The following SATB1 variants were observed in gnomAD, a reference collection of about 807,000 sequenced individuals.
SATB1 encodes the protein SATB homeobox 1.
In SATB1, 11 loss-of-function variants were observed where a neutral mutation model predicts 86.9. That is an observed-to-expected ratio of 0.13 (90% CI 0.08 to 0.21). The LOEUF is 0.21. SATB1 is among the 10% of genes least tolerant of loss of function. The pLI is 1.00. For missense variants in SATB1, 551 were observed against 937.6 expected, an observed-to-expected ratio of 0.59 and a Z score of 5.39; for synonymous variants, 357 against 357.2, an observed-to-expected ratio of 1.00 and a Z score of 0.01.
rs11391230 is a variant in SATB1 at position 18,370,515 on chromosome 3, CAAAAAAAA to C, written c.1575+7647_1575+7654del. On this transcript the variant is annotated intron_variant, in intron 9 of 10. Coordinates refer to ENST00000338745, the MANE Select transcript of SATB1 (RefSeq NM_002971.6). ...GACAATATGGGACAACTGAGAGAGG[CAAAAAAAA>C]AAAAAAAAAAAAAGAGGAAAAACAA... Among the ~76,000 whole-genome samples, 8 of 49,452 alleles carry C rather than the reference CAAAAAAAA, an allele frequency of 1.6e-4. 1 individual carries two copies. The South Asian group carries it at 9.4e-3, about 58-fold the overall frequency. The allele number at this position is 49,452 out of a possible 152,430, so 32.4% of individuals were successfully genotyped here.
chr3:18,377,730 C>G (rs572963448), intron 9 of SATB1, among the ~76,000 whole-genome samples: 3 of 152,268 alleles, frequency 2.0e-5, no homozygotes, highest in South Asian at 2.1e-4. Context: ...ACTATGCTCA[C>G]TGCTATACCA....
intron 5 of SATB1, among the ~76,000 whole-genome samples, chr3:18,406,010 T>C (rs1055646363): frequency 3.3e-5 from 5 of 152,038 alleles, no homozygotes; most frequent in South Asian, 2.1e-4. Flanking sequence ...TTAGAAGTTA[T>C]GGCGAAATGA....
rs1274452918 is a variant in SATB1 at position 18,400,160 on chromosome 3, G to A, written c.640-2870C>T. Among the ~76,000 whole-genome samples, 9 of 152,264 alleles carry A rather than the reference G, an allele frequency of 5.9e-5. No homozygotes were observed. The East Asian group carries it at 1.5e-3, about 26-fold the overall frequency. ...GTCATGATTGGTAAAATTTTCCTAG[G>A]TGGTGGGATGTACAGATAGTAGGCC... On this transcript the variant is annotated intron_variant, in intron 5 of 10. Transcript: ENST00000338745.
intron 9 of SATB1, among the ~76,000 whole-genome samples, chr3:18,369,162 TAAAA>T (rs200357255): frequency 8.3e-6 from 1 of 120,076 alleles, no homozygotes; most frequent in African/African-American, 2.7e-5. Flanking sequence ...AACTTTGCAT[TAAAA>T]AAAAAAAAAA....
upstream of SATB1, among the ~76,000 whole-genome samples, chr3:18,440,490 T>C (rs1194914843): frequency 6.6e-6 from 1 of 152,160 alleles, no homozygotes; most frequent in Non-Finnish European, 1.5e-5. Flanking sequence ...TATAAATACG[T>C]GCACTAAACT....
At chr3:18,363,542 G>A (rs1016073733) in intron 9 of SATB1, among the ~76,000 whole-genome samples, 35 of 152,246 alleles carry the variant, frequency 2.3e-4, no homozygotes, top group African/African-American at 7.9e-4. Context: ...CAAGCTCAGA[G>A]AAGGCTCCAG....
At chr3:18,438,860 A>G (rs6768993), upstream of SATB1, 4,572 of 152,798 alleles carry the variant, frequency 0.03, 237 homozygotes, top group African/African-American at 0.1. Flanking sequence ...GGGCAGCTTA[A>G]GTCCACATAG....
chr3:18,349,079 CAACA>C lies in SATB1; in HGVS notation c.*87_*90del, dbSNP rs1172885101. On this transcript the variant is annotated 3_prime_UTR_variant, in exon 11 of 11. Coordinates refer to ENST00000338745, the MANE Select transcript of SATB1 (RefSeq NM_002971.6). The surrounding 1 kb of genome is among the most constrained non-coding windows in gnomAD (Gnocchi z 5.5). The stretch of plus-strand genomic sequence containing the variant: ...GAAGATTCATTGGCCAAACAATGAA[CAACA>C]AAGGTTTTCTGAGAGAAGACAAGGT... 5 of 1,521,332 alleles carry C rather than the reference CAACA, an allele frequency of 3.3e-6. No individual in the cohort carries two copies. The highest frequency in any genetic ancestry group is 1.4e-5 in the South Asian group (1 of 73,610). 94.2% of individuals were successfully genotyped at this position (1,521,332 alleles called of 1,614,324 possible). A position where few individuals can be genotyped will look rare whatever the true frequency, so the allele number is the denominator to read the frequency against.
At chr3:18,360,207 A>G (rs1694841313) in intron 9 of SATB1, among the ~76,000 whole-genome samples, 1 of 152,156 alleles carries the variant, frequency 6.6e-6, no homozygotes, top group African/African-American at 2.4e-5. Context: ...TAGGTAAAGA[A>G]ACGGGTTTAA....
intron 5 of SATB1, among the ~76,000 whole-genome samples, chr3:18,398,848 C>T (rs1335137613): frequency 6.6e-6 from 1 of 152,152 alleles, no homozygotes; most frequent in Non-Finnish European, 1.5e-5. Context: ...GAGCCTCCCA[C>T]AGTCCACAGT....
intron 5 of SATB1, among the ~76,000 whole-genome samples, chr3:18,398,103 C>T (rs9284843): frequency 0.85 from 129,656 of 152,218 alleles, 55,374 homozygotes; most frequent in East Asian, 0.93. Context: ...GATGACCTAT[C>T]GTGACTTATC....
intron 5 of SATB1, among the ~76,000 whole-genome samples, chr3:18,413,540 T>C (rs1329989144): frequency 6.6e-6 from 1 of 152,132 alleles, no homozygotes; most frequent in East Asian, 1.9e-4. Context: ...CCATGTAACA[T>C]GTTATCTGGA....
chr3:18,404,856 A>AT (rs1697443218), intron 5 of SATB1, among the ~76,000 whole-genome samples: 1 of 152,000 alleles, frequency 6.6e-6, no homozygotes, highest in Non-Finnish European at 1.5e-5. Flanking sequence ...TTTAAAAGGT[A>AT]TATTAAGAGC....
intron 5 of SATB1, among the ~76,000 whole-genome samples, chr3:18,410,198 C>T (rs1246455104): frequency 8.5e-5 from 13 of 152,048 alleles, no homozygotes. Flanking sequence ...AACCAAAGCA[C>T]GGTAAAGAAA....
chr3:18,387,496 T>G (rs2125210758), intron 7 of SATB1, among the ~76,000 whole-genome samples: 1 of 152,220 alleles, frequency 6.6e-6, no homozygotes, highest in Admixed American at 6.5e-5. Context: ...AGAACATCAA[T>G]TTTCAACTAA....
chr3:18,441,452 T>C (rs546432741), upstream of SATB1, among the ~76,000 whole-genome samples: 2 of 152,296 alleles, frequency 1.3e-5, no homozygotes, highest in South Asian at 2.1e-4. Context: ...AACTACATCA[T>C]GTCTAGAAAT....
chr3:18,393,152 A>C (rs1032658069), intron 7 of SATB1, among the ~76,000 whole-genome samples: 2 of 152,136 alleles, frequency 1.3e-5, no homozygotes, highest in Admixed American at 6.5e-5. Flanking sequence ...CCAGAATTTT[A>C]TTCTCATAAT....
chr3:18,426,427 AGTTT>A (rs1296166667), upstream of SATB1, among the ~76,000 whole-genome samples: 1 of 152,220 alleles, frequency 6.6e-6, no homozygotes, highest in African/African-American at 2.4e-5. The surrounding 1 kb of genome is among the most constrained non-coding windows in gnomAD (Gnocchi z 4.2). Context: ...AAAAGAGGAA[AGTTT>A]GGGTTGGTAA....
At chr3:18,377,953 A>G (rs1695848377) in intron 9 of SATB1, among the ~76,000 whole-genome samples, 1 of 152,206 alleles carries the variant, frequency 6.6e-6, no homozygotes, top group African/African-American at 2.4e-5. Flanking sequence ...GGGATTTACC[A>G]TAAAATCCTT....
Sources: gnomAD v4.1 joint callset for allele counts (sites outside exome capture counted in the v4.1 genomes callset) on GRCh38, gnomAD v4.1.1 for gene constraint, Gnocchi (gnomAD v3.1) non-coding constraint, MANE v1.5 for transcripts, NCBI Gene and HGNC (gene_info 2026-07-23, HGNC 2026-07-21) for gene names.